UST: variants seen among roughly 807,000 people sequenced by gnomAD.
The protein encoded by UST is chondroitin sulfate 2-O-sulfotransferase.
Under a neutral mutation model 45.6 loss-of-function variants are expected in UST, and 21 were observed. That is an observed-to-expected ratio of 0.46 (90% CI 0.33 to 0.66). UST has a LOEUF of 0.66. Ranked by LOEUF, UST falls within the 30% of genes least tolerant of loss-of-function variation. The pLI is 0.02. For missense variants in UST, 463 were observed against 512.4 expected (o/e 0.90, Z 0.93); for synonymous variants, 215 against 200.6 (o/e 1.07, Z -0.61).
intron 2 of UST, among the ~76,000 whole-genome samples, chr6:148,908,443 T>C (rs1779409480): frequency 6.6e-6 from 1 of 152,230 alleles, no homozygotes; most frequent in African/African-American, 2.4e-5. Context: ...ATCATTTCCA[T>C]TTCAAAATCT....
rs199519268 is a variant in UST, at chr6:148,924,284, C to G, written c.292-16995C>G. Among the ~76,000 whole-genome samples the G allele has an allele frequency of 3.9e-5, 6 of 152,294 alleles. No individual in the cohort carries two copies. In the East Asian group the frequency reaches 1.2e-3, roughly 29 times the overall value. ...TCTAGGCCCTTCTCTGACAGCCCCT[C>G]GTCCCTGCCCTGCTCACCCCCACTT... On this transcript the variant is annotated intron_variant, in intron 2 of 7. Transcript: ENST00000367463.
At chr6:148,843,167 C>A (rs1390141253) in intron 1 of UST, among the ~76,000 whole-genome samples, 2 of 152,188 alleles carry the variant, frequency 1.3e-5, no homozygotes, top group African/African-American at 4.8e-5. Context: ...GTAAGTGAGA[C>A]AGGTGCCCCT....
At chr6:149,024,716 G>T (rs1562332560) in intron 7 of UST, among the ~76,000 whole-genome samples, 2 of 152,148 alleles carry the variant, frequency 1.3e-5, no homozygotes. Flanking sequence ...TTTAGTCTAA[G>T]TTCATGTCTT....
At chr6:148,805,065 G>T (rs543597546) in intron 1 of UST, among the ~76,000 whole-genome samples, 1 of 151,908 alleles carries the variant, frequency 6.6e-6, no homozygotes, top group Non-Finnish European at 1.5e-5. Context: ...TTATATTTTT[G>T]AGTTTCACGT....
At chr6:149,021,805 G>T (rs1271523424) in intron 7 of UST, among the ~76,000 whole-genome samples, 1 of 152,204 alleles carries the variant, frequency 6.6e-6, no homozygotes, top group East Asian at 1.9e-4. Context: ...TTTTCCATCA[G>T]CCTTGTCTTG....
chr6:148,756,831 C>T (rs1344490939), intron 1 of UST, among the ~76,000 whole-genome samples: 1 of 152,210 alleles, frequency 6.6e-6, no homozygotes. Context: ...AGTATATTTG[C>T]TGAGCAACTG....
At chr6:148,861,812 G>A (rs991975746) in intron 1 of UST, among the ~76,000 whole-genome samples, 6 of 152,160 alleles carry the variant, frequency 3.9e-5, no homozygotes, top group Non-Finnish European at 7.4e-5. Context: ...GCGGTATTGC[G>A]GGTGTTCCTT....
chr6:148,747,490 TA>T lies in UST; in HGVS notation c.61del (p.Met21TrpfsTer90). ...CGGATCCCTGGCCCCATGGGGCCCC[TA>T]TGGGGGGCGCCCCTCCGGGCCTGGG... ...GADPWPHGAP[M>X]GGAPPGLGSW... On this transcript the variant is annotated frameshift_variant, in exon 1 of 8. Coordinates refer to ENST00000367463, the MANE Select transcript of UST (RefSeq NM_005715.3). LOFTEE classifies it high-confidence loss of function. 1 of 1,516,342 alleles carries T rather than the reference TA, an allele frequency of 6.6e-7. No homozygotes were observed. The highest frequency in any genetic ancestry group is 2.7e-5 in the East Asian group (1 of 37,696). The allele number at this position is 1,516,342 out of a possible 1,614,324, so 93.9% of individuals were successfully genotyped here.
intron 1 of UST, among the ~76,000 whole-genome samples, chr6:148,840,807 C>T (rs1777873769): frequency 6.6e-6 from 1 of 152,146 alleles, no homozygotes; most frequent in Admixed American, 6.5e-5. Context: ...GGGACTGCCC[C>T]TCACCTACTG....
At chr6:148,955,400 G>A (rs1780471589) in intron 4 of UST, among the ~76,000 whole-genome samples, 1 of 152,260 alleles carries the variant, frequency 6.6e-6, no homozygotes, top group Non-Finnish European at 1.5e-5. Flanking sequence ...GAGAAAAGGA[G>A]CTGCTGCCTT....
chr6:148,770,821 G>A (rs1020499695), intron 1 of UST, among the ~76,000 whole-genome samples: 1 of 152,150 alleles, frequency 6.6e-6, no homozygotes, highest in African/African-American at 2.4e-5. Flanking sequence ...CAGAGGGAGA[G>A]GTCAACATGT....
At chr6:148,948,658 A>C (rs967431017) in intron 3 of UST, among the ~76,000 whole-genome samples, 10 of 152,058 alleles carry the variant, frequency 6.6e-5, no homozygotes, top group Admixed American at 6.5e-4. Context: ...TAAAGCTTTT[A>C]TTTTTGTATT....
intron 1 of UST, among the ~76,000 whole-genome samples, chr6:148,797,740 T>C (rs1776980078): frequency 1.3e-5 from 2 of 152,118 alleles, no homozygotes; most frequent in South Asian, 4.2e-4. Context: ...AACGAGGAGT[T>C]GTTCATAGGA....
chr6:148,778,927 C>T (rs1435074786), intron 1 of UST, among the ~76,000 whole-genome samples: 1 of 152,156 alleles, frequency 6.6e-6, no homozygotes, highest in Non-Finnish European at 1.5e-5. Flanking sequence ...TCACCCCTCT[C>T]TTCCCTCTGT....
intron 7 of UST, among the ~76,000 whole-genome samples, chr6:149,071,308 A>G (rs889978411): frequency 1.4e-4 from 22 of 152,194 alleles, no homozygotes; most frequent in African/African-American, 4.3e-4. Context: ...TGGGAAGTCT[A>G]TGTCCTTTCA....
chr6:148,861,394 C>T (rs1336953492), intron 1 of UST, among the ~76,000 whole-genome samples: 1 of 152,000 alleles, frequency 6.6e-6, no homozygotes, highest in Non-Finnish European at 1.5e-5. Context: ...CTCTTTTCTT[C>T]TTTATTAGTC....
At chr6:148,925,534 T>C (rs1191007858) in intron 2 of UST, among the ~76,000 whole-genome samples, 1 of 152,344 alleles carries the variant, frequency 6.6e-6, no homozygotes, top group East Asian at 1.9e-4. Flanking sequence ...TTTGCAAACA[T>C]TGCCCAGTGG....
chr6:148,792,343 C>T (rs1562259482), intron 1 of UST, among the ~76,000 whole-genome samples: 1 of 152,194 alleles, frequency 6.6e-6, no homozygotes, highest in South Asian at 2.1e-4. Flanking sequence ...GAGCTGACCC[C>T]GGGCTGGCAA....
chr6:148,959,019 G>A (rs1030292244), intron 4 of UST: 10 of 152,158 alleles, frequency 6.6e-5, no homozygotes, highest in African/African-American at 2.2e-4. Flanking sequence ...TATCTCAGAT[G>A]GTGGTTCCGG....
Sources: gnomAD v4.1 joint callset for allele counts (sites outside exome capture counted in the v4.1 genomes callset) on GRCh38, gnomAD v4.1.1 for gene constraint, MANE v1.5 for transcripts, NCBI Gene and HGNC (gene_info 2026-07-23, HGNC 2026-07-21) for gene names.